Variants in MSRA observed in about 807,000 individuals in gnomAD.
The protein encoded by MSRA is methionine sulfoxide reductase A, also known as mitochondrial peptide methionine sulfoxide reductase.
In MSRA, 54 loss-of-function variants were observed where a neutral mutation model predicts 31.3. The observed-to-expected ratio is 1.73, with a 90% CI of 1.39 to 2.17. The LOEUF is 2.17. Among genes scored for constraint, MSRA ranks in the 30% most tolerant of loss-of-function variants. The pLI is 0.00. For missense variants in MSRA, 507 were observed against 300.9 expected, an observed-to-expected ratio of 1.69 and a Z score of -5.07; for synonymous variants, 169 against 116.5, an observed-to-expected ratio of 1.45 and a Z score of -2.90.
intron 3 of MSRA, among the ~76,000 whole-genome samples, chr8:10,270,175 A>C (rs1798955227): frequency 6.6e-6 from 1 of 152,242 alleles, no homozygotes; most frequent in Non-Finnish European, 1.5e-5. Flanking sequence ...GAATATTATC[A>C]GAAAAATGTG....
chr8:10,393,087 C>T (rs1226898582), intron 5 of MSRA, among the ~76,000 whole-genome samples: 16 of 132,556 alleles, frequency 1.2e-4, no homozygotes, highest in Non-Finnish European at 2.4e-4. Context: ...AAAAAAAGTT[C>T]TGTTGTTTCT....
intron 1 of MSRA, among the ~76,000 whole-genome samples, chr8:10,060,600 G>A (rs192235947): frequency 1.3e-4 from 20 of 150,274 alleles, no homozygotes; most frequent in Admixed American, 8.6e-4. Flanking sequence ...TAGTCTAATT[G>A]ACCACCTTTC....
At chr8:10,314,244 C>G (rs560493838) in intron 4 of MSRA, among the ~76,000 whole-genome samples, 2 of 151,324 alleles carry the variant, frequency 1.3e-5, no homozygotes, top group Non-Finnish European at 2.9e-5. Flanking sequence ...TAACAAATTG[C>G]CAAGAACAGA....
intron 5 of MSRA, among the ~76,000 whole-genome samples, chr8:10,383,394 G>A (rs1223039106): frequency 1.3e-5 from 2 of 152,240 alleles, no homozygotes; most frequent in African/African-American, 2.4e-5. Context: ...GTGTGTTTCT[G>A]TGTGTGAAGG....
intron 5 of MSRA, among the ~76,000 whole-genome samples, chr8:10,401,271 C>T (rs1392422861): frequency 1.3e-5 from 2 of 152,168 alleles, no homozygotes; most frequent in Non-Finnish European, 2.9e-5. Flanking sequence ...TTCTCCAAAG[C>T]AGAAATGCAA....
chr8:10,117,155 C>T (rs567988654), intron 1 of MSRA, among the ~76,000 whole-genome samples: 20 of 152,232 alleles, frequency 1.3e-4, no homozygotes, highest in Admixed American at 2.6e-4. Context: ...AAAACAGAGA[C>T]GCCTCTGTCA....
intron 5 of MSRA, among the ~76,000 whole-genome samples, chr8:10,381,159 C>G (rs1324905175): frequency 6.6e-6 from 1 of 152,176 alleles, no homozygotes; most frequent in Non-Finnish European, 1.5e-5. Flanking sequence ...CTCTCCCAAA[C>G]CTTTCCCCTC....
chr8:10,268,419 C>T (rs1034650183), intron 3 of MSRA, among the ~76,000 whole-genome samples: 7 of 152,204 alleles, frequency 4.6e-5, no homozygotes, highest in African/African-American at 7.2e-5. Flanking sequence ...TGCAGGCTTT[C>T]ACTTTCCATG....
rs1012942837 is a variant in MSRA, at chr8:10,428,891, A to G, written c.*579A>G. 2.0e-5 allele frequency: 3 copies of G among 152,580 alleles called. No homozygotes were observed. The highest frequency in any genetic ancestry group is 7.2e-5 in the African/African-American group (3 of 41,450). 9.5% of individuals were successfully genotyped at this position (152,580 alleles called of 1,614,324 possible). On this transcript the variant is annotated 3_prime_UTR_variant, in exon 6 of 6. Transcript: ENST00000317173. ...AAAAACCTACAGTCCAATAATGCCA[A>G]CTGCCTGACATCTCCTCTGTCTTTG...
intron 5 of MSRA, among the ~76,000 whole-genome samples, chr8:10,406,049 G>A (rs548045421): frequency 5.6e-4 from 86 of 152,384 alleles, no homozygotes; most frequent in African/African-American, 1.9e-3. Context: ...TCCATGAGCT[G>A]ATGGGGTCAG....
intron 1 of MSRA, among the ~76,000 whole-genome samples, chr8:10,055,062 G>T (rs12680885): frequency 6.6e-6 from 1 of 152,206 alleles, no homozygotes; most frequent in Admixed American, 6.5e-5. Context: ...CCGGGACCCA[G>T]GGCACCTGCA....
At chr8:10,058,326 T>C (rs547803397) in intron 1 of MSRA, among the ~76,000 whole-genome samples, 2 of 152,236 alleles carry the variant, frequency 1.3e-5, no homozygotes, top group Admixed American at 1.3e-4. Context: ...AGTACAAATA[T>C]ACAAAATAAG....
At chr8:10,419,272 G>C (rs1808671030) in intron 5 of MSRA, among the ~76,000 whole-genome samples, 1 of 152,156 alleles carries the variant, frequency 6.6e-6, no homozygotes, top group African/African-American at 2.4e-5. Flanking sequence ...CCAAATTCCG[G>C]GAACAGCATG....
chr8:10,215,303 A>G (rs2129063944), intron 2 of MSRA, among the ~76,000 whole-genome samples: 1 of 152,320 alleles, frequency 6.6e-6, no homozygotes, highest in Non-Finnish European at 1.5e-5. Context: ...GACTCTAGAC[A>G]AGTTTCTTCC....
intron 2 of MSRA, among the ~76,000 whole-genome samples, chr8:10,216,815 C>T (rs748658210): frequency 6.6e-6 from 1 of 152,222 alleles, no homozygotes; most frequent in Non-Finnish European, 1.5e-5. Flanking sequence ...TCAATCAATA[C>T]TTGAGTTGCT....
chr8:10,310,050 G>A (rs767003866), intron 4 of MSRA, among the ~76,000 whole-genome samples: 1 of 152,212 alleles, frequency 6.6e-6, no homozygotes, highest in African/African-American at 2.4e-5. Flanking sequence ...GAACTTGCCA[G>A]ATTAATATCT....
At position 10,147,383 on chromosome 8, in the gene MSRA, A is replaced by G. The variant is rs893448197; in HGVS notation, c.143-60450A>G. On this transcript the variant is annotated intron_variant, in intron 1 of 5. Coordinates refer to ENST00000317173, the MANE Select transcript of MSRA (RefSeq NM_012331.5). Reference sequence around the variant, plus strand: ...AGCAGCTCAGTCATCAGCTGTTGGCAGGAGGCCTCAGACCTTCACCACGTA... The same window carrying G: ...AGCAGCTCAGTCATCAGCTGTTGGCGGGAGGCCTCAGACCTTCACCACGTA... Among the ~76,000 whole-genome samples the G allele has an allele frequency of 5.3e-5, 8 of 152,214 alleles. No individual in the cohort carries two copies. In the East Asian group the frequency reaches 1.4e-3, roughly 26 times the overall value.
intron 1 of MSRA, among the ~76,000 whole-genome samples, chr8:10,062,659 C>A (rs1162555844): frequency 6.6e-6 from 1 of 152,102 alleles, no homozygotes; most frequent in South Asian, 2.1e-4. Flanking sequence ...GTAATGGGGA[C>A]GAGCATAGTG....
At chr8:10,074,852 G>A (rs947431262) in intron 1 of MSRA, among the ~76,000 whole-genome samples, 3 of 151,796 alleles carry the variant, frequency 2.0e-5, no homozygotes, top group Non-Finnish European at 2.9e-5. Context: ...AGAGACGGGG[G>A]TTCACCGTGT....
Sources: gnomAD v4.1 joint callset for allele counts (sites outside exome capture counted in the v4.1 genomes callset) on GRCh38, gnomAD v4.1.1 for gene constraint, MANE v1.5 for transcripts, NCBI Gene and HGNC (gene_info 2026-07-23, HGNC 2026-07-21) for gene names.